ERC2: variants seen among roughly 807,000 people sequenced by gnomAD.
ERC2 encodes ELKS/RAB6-interacting/CAST family member 2, also known as ERC protein 2.
ERC2 carries 42 observed loss-of-function variants against 114.8 expected under a neutral mutation model. The ratio of observed to expected loss-of-function variants is 0.37; its 90% CI spans 0.29 to 0.47. The LOEUF is 0.47. Among genes scored for constraint, ERC2 ranks in the 20% least tolerant of loss-of-function variants. The pLI, the probability that ERC2 is intolerant of heterozygous loss-of-function variation, is 0.99. For missense variants in ERC2, 939 were observed against 1,150.7 expected, an observed-to-expected ratio of 0.82 and a Z score of 2.66; for synonymous variants, 454 against 425.5, an observed-to-expected ratio of 1.07 and a Z score of -0.82.
At chr3:55,654,686 T>A (rs1368209378) in intron 17 of ERC2, among the ~76,000 whole-genome samples, 1 of 152,220 alleles carries the variant, frequency 6.6e-6, no homozygotes, top group Non-Finnish European at 1.5e-5. Context: ...CACATCTCTT[T>A]CCAGCCTCAA....
chr3:56,179,059 A>G (rs2083141366), intron 3 of ERC2, among the ~76,000 whole-genome samples: 3 of 61,708 alleles, frequency 4.9e-5, no homozygotes, highest in African/African-American at 1.3e-4. Context: ...TTGATGAGCT[A>G]AAAAAAAAAA....
intron 2 of ERC2, among the ~76,000 whole-genome samples, chr3:56,348,893 AAGGAAGGAAGGAAAGAAGGAAGGAAG>A (rs1560642202): frequency 2.4e-4 from 11 of 44,974 alleles, no homozygotes; most frequent in Non-Finnish European, 5.6e-4. Context: ...GGAAGGAAGG[AAGGAAGGAAGGAAAGAAGGAAGGAAG>A]GAAGGAAGGA....
intron 2 of ERC2, among the ~76,000 whole-genome samples, chr3:56,401,005 C>A (rs956989929): frequency 6.6e-6 from 1 of 152,088 alleles, no homozygotes; most frequent in Admixed American, 6.6e-5. Context: ...TGTTTTTTCC[C>A]ACTAGCAATT....
At chr3:55,905,883 C>T (rs1195934768) in intron 13 of ERC2, among the ~76,000 whole-genome samples, 1 of 152,182 alleles carries the variant, frequency 6.6e-6, no homozygotes, top group Non-Finnish European at 1.5e-5. Flanking sequence ...TTCTGAGTCC[C>T]TTCAGATAAA....
intron 17 of ERC2, among the ~76,000 whole-genome samples, chr3:55,575,958 A>G (rs1473681259): frequency 1.3e-5 from 2 of 152,206 alleles, no homozygotes; most frequent in Admixed American, 6.5e-5. Flanking sequence ...GAGGCTGCTC[A>G]GTGATTTGCT....
chr3:55,727,561 A>G (rs768354624), intron 15 of ERC2, among the ~76,000 whole-genome samples: 23 of 152,240 alleles, frequency 1.5e-4, no homozygotes, highest in Admixed American at 1.3e-4. Context: ...CCTGAAGAGC[A>G]TCACAAAGAT....
At chr3:55,846,021 G>C (rs1006821437) in intron 14 of ERC2, among the ~76,000 whole-genome samples, 1 of 152,170 alleles carries the variant, frequency 6.6e-6, no homozygotes, top group South Asian at 2.1e-4. Flanking sequence ...TAAGTTGGGC[G>C]GTACATGTGC....
At chr3:56,298,699 G>A (rs1324501516) in intron 2 of ERC2, among the ~76,000 whole-genome samples, 3 of 149,170 alleles carry the variant, frequency 2.0e-5, no homozygotes, top group Non-Finnish European at 4.4e-5. Flanking sequence ...GATTGCTGGG[G>A]GGTGTGGAGT....
intron 12 of ERC2, among the ~76,000 whole-genome samples, chr3:55,954,081 TAAAAAAAAAAAAAAA>T (rs58512381): frequency 4.0e-5 from 2 of 50,358 alleles, no homozygotes; most frequent in East Asian, 6.7e-4. Flanking sequence ...CTCCATTATT[TAAAAAAAAAAAAAAA>T]AAAAAAAAAA....
At chr3:55,575,497 G>A (rs996584709) in intron 17 of ERC2, among the ~76,000 whole-genome samples, 18 of 152,194 alleles carry the variant, frequency 1.2e-4, no homozygotes, top group Non-Finnish European at 2.2e-4. Flanking sequence ...CCTCTTGATT[G>A]CATCATCTGC....
At chr3:55,680,032 G>A (rs993957302) in intron 17 of ERC2, among the ~76,000 whole-genome samples, 1 of 152,136 alleles carries the variant, frequency 6.6e-6, no homozygotes, top group Non-Finnish European at 1.5e-5. Flanking sequence ...GCTTTTATTT[G>A]TAAAACACCA....
At chr3:56,067,990 C>T (rs1261254008) in intron 7 of ERC2, among the ~76,000 whole-genome samples, 1 of 151,958 alleles carries the variant, frequency 6.6e-6, no homozygotes, top group African/African-American at 2.4e-5. Context: ...GGGGTATTGG[C>T]CTGAATTTTT....
chr3:55,973,268 T>C (rs1056148677), intron 12 of ERC2, among the ~76,000 whole-genome samples: 2 of 152,122 alleles, frequency 1.3e-5, no homozygotes, highest in African/African-American at 4.8e-5. Flanking sequence ...ATGGAATCTG[T>C]TGGATTAGTT....
intron 14 of ERC2, among the ~76,000 whole-genome samples, chr3:55,849,157 A>C (rs1180752044): frequency 1.3e-5 from 2 of 152,164 alleles, no homozygotes; most frequent in African/African-American, 4.8e-5. Context: ...GAGATTCAGT[A>C]ACTTGCCACA....
chr3:55,929,790 C>A (rs1047005522), intron 13 of ERC2, among the ~76,000 whole-genome samples: 4 of 152,132 alleles, frequency 2.6e-5, no homozygotes, highest in Admixed American at 2.6e-4. Flanking sequence ...AGCACTGTCC[C>A]CTTCGCTCTC....
intron 3 of ERC2, among the ~76,000 whole-genome samples, chr3:56,270,780 C>T (rs1044738724): frequency 7.9e-5 from 12 of 152,152 alleles, no homozygotes; most frequent in African/African-American, 2.2e-4. Context: ...GAGATTGAGA[C>T]CATCCTGTCT....
intron 1 of ERC2, among the ~76,000 whole-genome samples, chr3:56,457,645 C>T (rs930216088): frequency 1.3e-5 from 2 of 152,110 alleles, no homozygotes; most frequent in African/African-American, 2.4e-5. Context: ...TGCCCTGTCA[C>T]ACTCTCTGGC....
At chr3:56,360,714 C>A (rs938786267) in intron 2 of ERC2, among the ~76,000 whole-genome samples, 1 of 152,102 alleles carries the variant, frequency 6.6e-6, no homozygotes, top group Non-Finnish European at 1.5e-5. Context: ...TCAAGACCAG[C>A]TTGGCCAACA....
intron 6 of ERC2, among the ~76,000 whole-genome samples, chr3:56,118,719 T>C (rs1272713): frequency 2.0e-5 from 3 of 149,294 alleles, no homozygotes; most frequent in Admixed American, 6.7e-5. Context: ...TCACTGCAAG[T>C]TCCGCCTCCC....
Sources: allele counts gnomAD v4.1 joint callset (sites outside exome capture counted in the v4.1 genomes callset), GRCh38; gene constraint gnomAD v4.1.1; transcripts MANE v1.5; gene names NCBI Gene and HGNC (gene_info 2026-07-23, HGNC 2026-07-21).